LPXN: variants seen among roughly 807,000 people sequenced by gnomAD.
LPXN encodes the protein leupaxin.
In LPXN, 28 loss-of-function variants were observed where a neutral mutation model predicts 45.6. The observed-to-expected ratio is 0.61, with a 90% CI of 0.45 to 0.84. The LOEUF is 0.84. Among genes scored for constraint, LPXN ranks in the 40% least tolerant of loss-of-function variants. The probability of loss-of-function intolerance (pLI) is 0.00; values close to 1 mark genes in which losing one functional copy is unlikely to be tolerated. For missense variants in LPXN, 459 were observed against 475.0 expected (o/e 0.97, Z 0.31); for synonymous variants, 166 against 169.9 (o/e 0.98, Z 0.18).
intron 7 of LPXN, among the ~76,000 whole-genome samples, chr11:58,541,204 T>C (rs995116396): frequency 6.6e-6 from 1 of 152,100 alleles, no homozygotes; most frequent in Non-Finnish European, 1.5e-5. Flanking sequence ...CTAATTAAAC[T>C]AAGGAGCTTC....
At chr11:58,575,902 G>C (rs1006949734), upstream of LPXN, 2 of 1,536,230 alleles carry the variant, frequency 1.3e-6, no homozygotes, top group African/African-American at 1.4e-5. Context: ...TTTGGTTCCT[G>C]TATTTGCTTA....
chr11:58,576,028 T>C, upstream of LPXN: 1 of 1,136,436 alleles, frequency 8.8e-7, no homozygotes, highest in African/African-American at 1.6e-5. Flanking sequence ...TGGCAGTGCA[T>C]TGGCCAGGGT....
chr11:58,553,346 A>AG (rs1469586181), intron 4 of LPXN, among the ~76,000 whole-genome samples: 2 of 151,884 alleles, frequency 1.3e-5, no homozygotes, highest in East Asian at 1.9e-4. Flanking sequence ...AAAAAAAAAA[A>AG]AAAAAAAAAA....
chr11:58,575,916 C>A, upstream of LPXN: 1 of 1,497,174 alleles, frequency 6.7e-7, no homozygotes, highest in Non-Finnish European at 8.9e-7. Context: ...TTGCTTAGCA[C>A]TTCCTCTCTT....
In LPXN at chr11:58,564,215, G is replaced by A; in HGVS notation, c.172-14C>T. 1 of 1,585,852 alleles carries A rather than the reference G, an allele frequency of 6.3e-7. No homozygotes were observed. Among genetic ancestry groups the A allele is most frequent in the East Asian group, 2.2e-5 (1 of 44,652 alleles). ...CACGAGCTGCGCCTAAGATATATAAGTGACAAGAGAAGAGCAAAGAATAAA... is the reference window on the plus strand; with the variant it reads ...CACGAGCTGCGCCTAAGATATATAAATGACAAGAGAAGAGCAAAGAATAAA... On this transcript the variant is annotated splice_polypyrimidine_tract_variant and intron_variant, in intron 2 of 8. Transcript: ENST00000395074.
chr11:58,576,879 C>T (rs764362897), upstream of LPXN, among the ~76,000 whole-genome samples: 17 of 152,278 alleles, frequency 1.1e-4, no homozygotes, highest in Non-Finnish European at 1.8e-4. Context: ...TGAACTCAAG[C>T]GATTTGCCCT....
chr11:58,553,235 C>G (rs1436807287), intron 4 of LPXN, among the ~76,000 whole-genome samples: 3 of 150,242 alleles, frequency 2.0e-5, no homozygotes, highest in African/African-American at 7.4e-5. Flanking sequence ...ACTCAGGAGG[C>G]TGAGGCACTA....
chr11:58,578,818 C>G (rs1855007389), upstream of LPXN, among the ~76,000 whole-genome samples: 1 of 152,000 alleles, frequency 6.6e-6, no homozygotes, highest in Non-Finnish European at 1.5e-5. Context: ...CCTCGCACTG[C>G]CCCTAGCGCG....
Position 58,538,342 on chromosome 11 carries a change from C to T in LPXN, c.743-10151G>A, listed in dbSNP as rs1158102319. 3.9e-5 allele frequency among the ~76,000 whole-genome samples: 6 copies of T among 152,086 alleles called. No individual in the cohort carries two copies. In the East Asian group the frequency reaches 5.8e-4, roughly 15 times the overall value. On this transcript the variant is annotated intron_variant, in intron 7 of 8. Transcript: ENST00000395074. ...TTCTAGTTCTAGATCCCTGAGGAAT[C>T]GCCACACTGACTTCCACAATGGTTG...
In LPXN at chr11:58,549,781, C is replaced by T. The variant is rs1325819911; in HGVS notation, c.742+5G>A. On this transcript the variant is annotated splice_donor_5th_base_variant and intron_variant, in intron 7 of 8. Coordinates refer to ENST00000395074, the MANE Select transcript of LPXN (RefSeq NM_004811.3). Reference sequence around the variant, plus strand: ...TGGGATACAGCCTCTCAAGTCGGGTCATACCTTCTGCACCAAACACCTCTC... The same window carrying T: ...TGGGATACAGCCTCTCAAGTCGGGTTATACCTTCTGCACCAAACACCTCTC... 2.5e-6 allele frequency: 4 copies of T among 1,613,924 alleles called. No individual in the cohort carries two copies. In the East Asian group the frequency reaches 6.7e-5, roughly 27 times the overall value.
In LPXN at chr11:58,548,476, C is replaced by CT. The variant is rs1365096321; in HGVS notation, c.742+1309dup. Among the ~76,000 whole-genome samples the CT allele has an allele frequency of 4.0e-5, 6 of 151,566 alleles. No individual in the cohort carries two copies. The East Asian group carries it at 1.2e-3, about 29-fold the overall frequency. On this transcript the variant is annotated intron_variant, in intron 7 of 8. Transcript: ENST00000395074. ...AAAAAAAAGAAAAGAAAGAAACTGA[C>CT]TTGTTGCCAGATGTAGTTGGCCATT...
chr11:58,570,320 T>C (rs368257803), intron 2 of LPXN, among the ~76,000 whole-genome samples: 1 of 149,198 alleles, frequency 6.7e-6, no homozygotes, highest in Admixed American at 6.7e-5. Flanking sequence ...AAAAAAAAAA[T>C]AAAAAAAATA....
In LPXN at chr11:58,527,638, C is replaced by T; in HGVS notation, c.977G>A (p.Gly326Glu). The change falls in exon 9 of 9, where the codon GGA becomes GAA. Residue 326 changes from glycine to glutamate, a missense_variant. Coordinates refer to ENST00000395074, the MANE Select transcript of LPXN (RefSeq NM_004811.3). ...FCELHYHHRRGTLCHGCGQPI... is the reference protein window; with the variant it reads ...FCELHYHHRRETLCHGCGQPI... ...CTGCCCACACCCATGGCAGAGCGTTCCCCGGCGGTGATGGTAATGGAGCTC... is the reference window on the plus strand; with the variant it reads ...CTGCCCACACCCATGGCAGAGCGTTTCCCGGCGGTGATGGTAATGGAGCTC... The T allele has an allele frequency of 6.2e-7, 1 of 1,614,138 alleles. No individual in the cohort carries two copies. Among genetic ancestry groups the T allele is most frequent in the South Asian group, 1.1e-5 (1 of 91,076 alleles).
chr11:58,577,956 G>C (rs1400962273), upstream of LPXN: 5 of 1,540,852 alleles, frequency 3.2e-6, no homozygotes, highest in African/African-American at 6.9e-5. Flanking sequence ...AGGGCCCAAG[G>C]ACCCCATGGA....
intron 7 of LPXN, among the ~76,000 whole-genome samples, chr11:58,538,867 T>C (rs888691792): frequency 1.3e-5 from 2 of 152,104 alleles, no homozygotes; most frequent in Non-Finnish European, 2.9e-5. Flanking sequence ...CAAATAATTA[T>C]ATTAATGCCT....
At chr11:58,564,057 A>C in intron 3 of LPXN, 98 bp downstream of exon 3, 1 of 747,872 alleles carries the variant, frequency 1.3e-6, no homozygotes, top group Non-Finnish European at 2.3e-6. Flanking sequence ...GAGTTCTAAT[A>C]ATAAACACTT....
At chr11:58,539,805 T>C (rs1006650481) in intron 7 of LPXN, among the ~76,000 whole-genome samples, 5 of 152,166 alleles carry the variant, frequency 3.3e-5, no homozygotes, top group Admixed American at 6.5e-5. Flanking sequence ...TATTCCAAGA[T>C]AACCCAATAA....
intron 3 of LPXN, among the ~76,000 whole-genome samples, chr11:58,560,481 A>G (rs1854340844): frequency 6.6e-6 from 1 of 152,232 alleles, no homozygotes; most frequent in Non-Finnish European, 1.5e-5. Flanking sequence ...TTTGGCTGAT[A>G]CCATTACACT....
intron 3 of LPXN, among the ~76,000 whole-genome samples, chr11:58,555,609 G>A (rs554637183): frequency 6.6e-6 from 1 of 152,178 alleles, no homozygotes; most frequent in Non-Finnish European, 1.5e-5. Context: ...CATATTCTTA[G>A]ATTGGAGTGA....
Sources: allele counts gnomAD v4.1 joint callset (sites outside exome capture counted in the v4.1 genomes callset), GRCh38; gene constraint gnomAD v4.1.1; transcripts MANE v1.5; gene names NCBI Gene and HGNC (gene_info 2026-07-23, HGNC 2026-07-21).